ZNF414: variants seen among roughly 807,000 people sequenced by gnomAD.
The protein encoded by ZNF414 is zinc finger protein 414.
ZNF414 carries 32 observed loss-of-function variants against 38.3 expected under a neutral mutation model. That is an observed-to-expected ratio of 0.83 (90% CI 0.63 to 1.12). The LOEUF (loss-of-function observed/expected upper bound fraction) is 1.12. ZNF414 is among the 50% of genes most tolerant of loss of function. The pLI is 0.00. For synonymous variants in ZNF414, 256 were observed against 248.0 expected (o/e 1.03, Z -0.30); for missense variants, 589 against 557.4 (o/e 1.06, Z -0.57).
In ZNF414 at chr19:8,511,647, A is replaced by C; in HGVS notation, c.844T>G (p.Ser282Ala). 4.0e-6 allele frequency: 6 copies of C among 1,503,898 alleles called. No individual in the cohort carries two copies. The highest frequency in any genetic ancestry group is 5.3e-6 in the Non-Finnish European group (6 of 1,130,764). The allele number at this position is 1,503,898 out of a possible 1,614,324, so 93.2% of individuals were successfully genotyped here. Residue 282 changes from serine to alanine, a missense_variant, in exon 5 of 8, where the codon TCC (serine) becomes GCC (alanine). Ser to Ala is a moderately conservative substitution (Grantham distance 99). Transcript: ENST00000393927. ...FLAAAPGPPA[S>A]SAAVWKKSQG... ...CTCTTTTTCCAGACGGCGGCGCTGG[A>C]AGCCGGCGGCCCGGGTGCAGCGGCC...
At chr19:8,513,380 C>G in intron 1 of ZNF414, 39 bp from the exon 2 acceptor site, 1 of 1,522,968 alleles carries the variant, frequency 6.6e-7, no homozygotes, top group Non-Finnish European at 8.7e-7. Context: ...CTTCTGGGCT[C>G]TGGGTCAACC....
intron 1 of ZNF414, 142 bp downstream of exon 1, chr19:8,513,902 G>A (rs1971953450): frequency 9.4e-7 from 1 of 1,069,266 alleles, no homozygotes; most frequent in East Asian, 3.2e-5. Flanking sequence ...CCCGGAAGTA[G>A]GGCGCTCTCC....
rs2145805131 is a variant in ZNF414, at chr19:8,510,182, T to G, written c.*509A>C. 1 of 149,634 alleles carries G rather than the reference T, an allele frequency of 6.7e-6. No individual in the cohort carries two copies. Among genetic ancestry groups the G allele is most frequent in the Non-Finnish European group, 1.5e-5 (1 of 67,568 alleles). The allele number at this position is 149,634 out of a possible 1,614,324, so 9.3% of individuals were successfully genotyped here. A position where few individuals can be genotyped will look rare whatever the true frequency, so the allele number is the denominator to read the frequency against. On this transcript the variant is annotated 3_prime_UTR_variant, in exon 8 of 8. Coordinates refer to ENST00000393927, the MANE Select transcript of ZNF414 (RefSeq NM_001146175.2). ...GTGGGCACCTGTAATCCCAGCTACT[T>G]GGGAGGCTGAAGCAGGAGAATGGCG...
chr19:8,512,830 C>T, intron 2 of ZNF414, 119 bp from the exon 3 acceptor site: 1 of 1,192,594 alleles, frequency 8.4e-7, no homozygotes, highest in Non-Finnish European at 1.1e-6. Flanking sequence ...CTCTGCCTAC[C>T]ACAACAGACT....
chr19:8,512,350 C>T, intron 4 of ZNF414, 37 bp downstream of exon 4: 2 of 1,609,440 alleles, frequency 1.2e-6, no homozygotes, highest in Non-Finnish European at 1.7e-6. Context: ...TAGGGTGAGG[C>T]TAGGGCAGGG....
rs748753833 is a variant in ZNF414 at position 8,514,064 on chromosome 19, C to T, written c.-18G>A. ...CTCACCATCTTCGACACGGCTCGGCCTCTTGTTTCTGCGGCTCCGGCGGCT... is the reference window on the plus strand; with the variant it reads ...CTCACCATCTTCGACACGGCTCGGCTTCTTGTTTCTGCGGCTCCGGCGGCT... On this transcript the variant is annotated 5_prime_UTR_variant, in exon 1 of 8. Transcript: ENST00000393927. 15 of 1,475,732 alleles carry T rather than the reference C, an allele frequency of 1.0e-5. No individual in the cohort carries two copies. The highest frequency in any genetic ancestry group is 1.2e-5 in the Non-Finnish European group (13 of 1,114,674). 91.4% of individuals were successfully genotyped at this position (1,475,732 alleles called of 1,614,324 possible). A position where few individuals can be genotyped will look rare whatever the true frequency, so the allele number is the denominator to read the frequency against.
Position 8,511,936 on chromosome 19 carries a change from G to A in ZNF414, c.555C>T (p.Phe185=). 7 of 1,423,448 alleles carry A rather than the reference G, an allele frequency of 4.9e-6. No individual in the cohort carries two copies. The highest frequency in any genetic ancestry group is 6.4e-6 in the Non-Finnish European group (7 of 1,097,868). The allele number at this position is 1,423,448 out of a possible 1,614,324, so 88.2% of individuals were successfully genotyped here. The change falls in exon 5 of 8, where the codon TTC becomes TTT. Residue 185 remains phenylalanine (F), a synonymous_variant. Coordinates refer to ENST00000393927, the MANE Select transcript of ZNF414 (RefSeq NM_001146175.2). ...YFKCENCLLR[F]RTHRSLFKHL... Reference sequence around the variant, plus strand: ...GCTTGAAGAGCGAGCGGTGCGTGCGGAAGCGCAGGAGGCAGTTCTCACACC... The same window carrying A: ...GCTTGAAGAGCGAGCGGTGCGTGCGAAAGCGCAGGAGGCAGTTCTCACACC...
At position 8,512,623 on chromosome 19, in the gene ZNF414, C is replaced by G; in HGVS notation, c.405G>C (p.Pro135=). ...CCCTACCTTCCAGGGACTGTGTGGG[C>G]GGGCAGTGGGTTCGCAGATGCTGTG... ...DLAQHLRTHC[P]PTQSLEGKLF... is the part of the protein sequence containing the mutation. Residue 135 remains proline, a synonymous_variant, in exon 3 of 8, where the codon CCG becomes CCC. Coordinates refer to ENST00000393927, the MANE Select transcript of ZNF414 (RefSeq NM_001146175.2). 6.3e-7 allele frequency: 1 copy of G among 1,591,424 alleles called. No individual in the cohort carries two copies. The highest frequency in any genetic ancestry group is 1.1e-5 in the South Asian group (1 of 88,308).
Position 8,513,259 on chromosome 19 carries a change from G to T in ZNF414, c.86C>A (p.Ser29Tyr). 1 of 1,594,752 alleles carries T rather than the reference G, an allele frequency of 6.3e-7. No individual in the cohort carries two copies. Among genetic ancestry groups the T allele is most frequent in the African/African-American group, 1.3e-5 (1 of 74,918 alleles). Reference protein sequence around the residue: ...SSSETDKEVLSPAVPAAAPSS... With the variant: ...SSSETDKEVLYPAVPAAAPSS... ...AGGGGCTGCAGCTGGCACAGCCGGG[G>T]ACAACACCTCCTTGTCGGTCTCACT... is the stretch of plus-strand genomic sequence containing the variant. Residue 29 changes from serine to tyrosine, a missense_variant, in exon 2 of 8, where the codon TCC (serine) becomes TAC (tyrosine). By Grantham distance (144) the Ser-to-Tyr change is moderately radical. Transcript: ENST00000393927.
chr19:8,513,131 G>A lies in ZNF414; in HGVS notation c.214C>T (p.Pro72Ser). Residue 72 changes from proline to serine, a missense_variant, in exon 2 of 8, where the codon CCA (proline) becomes TCA (serine). Pro to Ser is a moderately conservative substitution (Grantham distance 74, BLOSUM62 -1). Transcript: ENST00000393927. ...CCGGGGCCAGGCTGGCAGCTGTCTG[G>A]GGCTGGGGAGGAGCCCTGCTGCATC... is the stretch of plus-strand genomic sequence containing the variant. ...GGMQQGSSPA[P>S]DSCQPGPGPS... is the part of the protein sequence containing the mutation. The A allele has an allele frequency of 6.5e-7, 1 of 1,541,986 alleles. No homozygotes were observed. Among genetic ancestry groups the A allele is most frequent in the Non-Finnish European group, 8.7e-7 (1 of 1,146,710 alleles).
In ZNF414 at chr19:8,510,896, G is replaced by T; in HGVS notation, c.1054C>A (p.Pro352Thr). 1 of 1,162,220 alleles carries T rather than the reference G, an allele frequency of 8.6e-7. No homozygotes were observed. Among genetic ancestry groups the T allele is most frequent in the Non-Finnish European group, 1.1e-6 (1 of 941,064 alleles). 72.0% of individuals were successfully genotyped at this position (1,162,220 alleles called of 1,614,324 possible). ...GGCGGCCCGGCCGCGGGGGCCGCGG[G>T]GGCGCCGGGGCGGTGGTCCTCCAGG... Reference protein sequence around the residue: ...LHLEDHRPGAPAAPAAGPPRP... With the variant: ...LHLEDHRPGATAAPAAGPPRP... The change falls in exon 7 of 8, where the codon CCC becomes ACC. Residue 352 changes from proline to threonine, a missense_variant. Pro to Thr is a conservative substitution (Grantham distance 38). Transcript: ENST00000393927.
rs1381144701 is a variant in ZNF414 at position 8,512,012 on chromosome 19, A to G, written c.531-52T>C. 5.1e-6 allele frequency: 7 copies of G among 1,383,360 alleles called. No homozygotes were observed. In the African/African-American group the frequency reaches 6.3e-5, roughly 13 times the overall value. The allele number at this position is 1,383,360 out of a possible 1,614,324, so 85.7% of individuals were successfully genotyped here. ...GGCTGGGCCTCCAGGGGCACCAGGG[A>G]GAGTGTCCTGTGCAATGCCACCCGC... On this transcript the variant is annotated intron_variant, in intron 4 of 7. Coordinates refer to ENST00000393927, the MANE Select transcript of ZNF414 (RefSeq NM_001146175.2).
chr19:8,510,629 G>A lies in ZNF414; in HGVS notation c.*62C>T. The A allele has an allele frequency of 1.4e-6, 2 of 1,422,364 alleles. No homozygotes were observed. Among genetic ancestry groups the A allele is most frequent in the Non-Finnish European group, 1.9e-6 (2 of 1,064,178 alleles). The allele number at this position is 1,422,364 out of a possible 1,614,324, so 88.1% of individuals were successfully genotyped here. A position where few individuals can be genotyped will look rare whatever the true frequency, so the allele number is the denominator to read the frequency against. ...TTGTCCACCCCAGCCCCCCTTCCCT[G>A]CAGCCCCCTCCAAATGACAAAACTA... On this transcript the variant is annotated 3_prime_UTR_variant, in exon 8 of 8. Coordinates refer to ENST00000393927, the MANE Select transcript of ZNF414 (RefSeq NM_001146175.2).
At chr19:8,513,416 AC>A in intron 1 of ZNF414, 75 bp from the exon 2 acceptor site, 1 of 1,409,644 alleles carries the variant, frequency 7.1e-7, no homozygotes, top group Non-Finnish European at 9.5e-7. Flanking sequence ...CTAAGGAATC[AC>A]CAGCAGGAGA....
chr19:8,512,581 C>T, intron 3 of ZNF414, 23 bp downstream of exon 3: 1 of 1,595,876 alleles, frequency 6.3e-7, no homozygotes, highest in African/African-American at 1.3e-5. Flanking sequence ...AACCTGCCTC[C>T]CCATTACCAG....
At position 8,512,492 on chromosome 19, in the gene ZNF414, C is replaced by T. The variant is rs758968209; in HGVS notation, c.425G>A (p.Gly142Asp). Reference protein sequence around the residue: ...THCPPTQSLEGKLFRCSALSC... With the variant: ...THCPPTQSLEDKLFRCSALSC... ...CAGGGCTGAGCAGCGGAAGAGCTTG[C>T]CTGGTAGGGATGAAGGACAGAGAAG... Residue 142 changes from glycine (G) to aspartate (D), a missense_variant and splice_region_variant, in exon 4 of 8, where the codon GGC (glycine) becomes GAC (aspartate). Physicochemically the swap from Gly to Asp is moderately conservative, Grantham distance 94 (BLOSUM62 -1). Transcript: ENST00000393927. 2.4e-5 allele frequency: 38 copies of T among 1,613,914 alleles called. No individual in the cohort carries two copies. In the Admixed American group the frequency reaches 6.2e-4, roughly 26 times the overall value.
At chr19:8,511,562 CAG>C in intron 5 of ZNF414, 26 bp from the exon 6 acceptor site, 12 of 1,579,294 alleles carry the variant, frequency 7.6e-6, no homozygotes, top group Non-Finnish European at 1.0e-5. Context: ...GGGTCAAGTT[CAG>C]AGTCAGGGCG....
intron 4 of ZNF414, 57 bp downstream of exon 4, chr19:8,512,330 A>C: frequency 6.3e-7 from 1 of 1,594,938 alleles, no homozygotes; most frequent in Non-Finnish European, 8.6e-7. Flanking sequence ...GAAGGCCTGG[A>C]GCCCACACAT....
At position 8,511,735 on chromosome 19, in the gene ZNF414, C is replaced by A; in HGVS notation, c.756G>T (p.Pro252=). 6.8e-7 allele frequency: 1 copy of A among 1,468,852 alleles called. No individual in the cohort carries two copies. The highest frequency in any genetic ancestry group is 1.4e-5 in the South Asian group (1 of 71,398). The allele number at this position is 1,468,852 out of a possible 1,614,324, so 91.0% of individuals were successfully genotyped here. A position where few individuals can be genotyped will look rare whatever the true frequency, so the allele number is the denominator to read the frequency against. Reference sequence around the variant, plus strand: ...GCGCAGGGTTCAAGTAGGGCAGGAACGGTCCGGTGGGGGCAGGGGCGGGGG... The same window carrying A: ...GCGCAGGGTTCAAGTAGGGCAGGAAAGGTCCGGTGGGGGCAGGGGCGGGGG... ...FTTPAPAPTG[P]FLPYLNPAPF... is the part of the protein sequence containing the mutation. Residue 252 remains proline (P), a synonymous_variant, in exon 5 of 8, where the codon CCG becomes CCT. Coordinates refer to ENST00000393927, the MANE Select transcript of ZNF414 (RefSeq NM_001146175.2).
Sources: gnomAD v4.1 joint callset for allele counts on GRCh38, gnomAD v4.1.1 for gene constraint, MANE v1.5 for transcripts, NCBI Gene and HGNC (gene_info 2026-07-23, HGNC 2026-07-21) for gene names.